The following CNTNAP4 variants were observed in gnomAD, a reference collection of about 807,000 sequenced individuals.
CNTNAP4 encodes the protein contactin-associated protein-like 4.
A neutral mutation model predicts 148.4 loss-of-function variants in CNTNAP4; 98 were observed. The ratio of observed to expected loss-of-function variants is 0.66; its 90% CI spans 0.56 to 0.78. The LOEUF is 0.78. Among genes scored for constraint, CNTNAP4 ranks in the 30% least tolerant of loss-of-function variants. CNTNAP4 has a pLI of 0.00. For missense variants in CNTNAP4, 1,935 were observed against 1,565.6 expected, an observed-to-expected ratio of 1.24 and a Z score of -3.98; for synonymous variants, 730 against 565.1, an observed-to-expected ratio of 1.29 and a Z score of -4.14.
rs2014991766 is a variant in CNTNAP4, at chr16:76,372,813, A to G, written c.390+17302A>G. 2.6e-5 allele frequency among the ~76,000 whole-genome samples: 4 copies of G among 152,220 alleles called. No homozygotes were observed. In the South Asian group the frequency reaches 6.2e-4, roughly 24 times the overall value. ...CCTGGTTTCGAATTATACCTTTGACATAAATAATTACTCAAGTGCTACTGG... is the reference window on the plus strand; with the variant it reads ...CCTGGTTTCGAATTATACCTTTGACGTAAATAATTACTCAAGTGCTACTGG... On this transcript the variant is annotated intron_variant, in intron 3 of 23. Transcript: ENST00000611870.
intron 13 of CNTNAP4, among the ~76,000 whole-genome samples, chr16:76,493,377 G>T (rs7196448): frequency 0.84 from 126,806 of 151,674 alleles, 53,945 homozygotes; most frequent in East Asian, 0.97. Flanking sequence ...ATTTAGGAAA[G>T]TAATTATGGG....
At position 76,277,617 on chromosome 16, in the gene CNTNAP4, C is replaced by A; in HGVS notation, c.-46C>A. 7.2e-7 allele frequency: 1 copy of A among 1,391,606 alleles called. No individual in the cohort carries two copies. Among genetic ancestry groups the A allele is most frequent in the East Asian group, 2.4e-5 (1 of 41,826 alleles). 86.2% of individuals were successfully genotyped at this position (1,391,606 alleles called of 1,614,324 possible). On this transcript the variant is annotated 5_prime_UTR_variant, in exon 1 of 24. It adds an upstream start codon to the 5' untranslated region. Coordinates refer to ENST00000611870, the MANE Select transcript of CNTNAP4 (RefSeq NM_033401.5). ...CTACTGAGAAGAGGACTGGAGCGCT[C>A]TGAGAGCCTCTCAAGATCTTTTGGG...
At chr16:76,340,778 ACT>A (rs1313745278) in intron 2 of CNTNAP4, among the ~76,000 whole-genome samples, 3 of 152,128 alleles carry the variant, frequency 2.0e-5, no homozygotes, top group Non-Finnish European at 2.9e-5. Flanking sequence ...AGAACTCCTA[ACT>A]CTGATTAATA....
At chr16:76,348,097 A>G (rs1965060320) in intron 2 of CNTNAP4, among the ~76,000 whole-genome samples, 1 of 152,116 alleles carries the variant, frequency 6.6e-6, no homozygotes, top group Non-Finnish European at 1.5e-5. Context: ...GCAGAAAAAC[A>G]GCAGGATTCT....
intron 12 of CNTNAP4, among the ~76,000 whole-genome samples, chr16:76,488,959 T>C (rs1427853051): frequency 6.6e-6 from 1 of 152,204 alleles, no homozygotes; most frequent in Non-Finnish European, 1.5e-5. Flanking sequence ...TTTGTGTTAG[T>C]TGAGATGCTG....
intron 12 of CNTNAP4, among the ~76,000 whole-genome samples, chr16:76,489,114 G>T (rs1380690354): frequency 5.3e-5 from 8 of 152,238 alleles, no homozygotes; most frequent in African/African-American, 1.9e-4. Context: ...GAGGTATATA[G>T]AGGGCTACAA....
At chr16:76,331,061 T>C (rs1963463785) in intron 2 of CNTNAP4, among the ~76,000 whole-genome samples, 1 of 152,134 alleles carries the variant, frequency 6.6e-6, no homozygotes, top group South Asian at 2.1e-4. Flanking sequence ...TGGTGGCATT[T>C]CACAATTTTG....
At chr16:76,461,785 G>A (rs1380412901) in intron 8 of CNTNAP4, among the ~76,000 whole-genome samples, 171 bp from the exon 9 acceptor site, 1 of 152,150 alleles carries the variant, frequency 6.6e-6, no homozygotes, top group Non-Finnish European at 1.5e-5. Context: ...TTTCCACATA[G>A]AGGATGCTCA....
chr16:76,498,680 T>A lies in CNTNAP4; in HGVS notation c.2351T>A (p.Leu784His). The change falls in exon 15 of 24, where the codon CTC becomes CAC. Residue 784 changes from leucine to histidine, a missense_variant. Leu to His is a moderately conservative substitution (Grantham distance 99). Transcript: ENST00000611870. ...SEAAYKLGPLLCQGDRSFWNS... is the reference protein window; with the variant it reads ...SEAAYKLGPLHCQGDRSFWNS... ...GCAGCTTATAAACTGGGGCCTCTGC[T>A]CTGCCAGGGAGACAGTAAGTGGTTA... 1 of 1,610,350 alleles carries A rather than the reference T, an allele frequency of 6.2e-7. No homozygotes were observed. Among genetic ancestry groups the A allele is most frequent in the Non-Finnish European group, 8.5e-7 (1 of 1,178,406 alleles).
chr16:76,493,366 C>T (rs927733642), intron 13 of CNTNAP4, among the ~76,000 whole-genome samples: 4 of 152,126 alleles, frequency 2.6e-5, no homozygotes, highest in Admixed American at 2.6e-4. Flanking sequence ...ATGCTCAAGT[C>T]ATTTAGGAAA....
At chr16:76,447,964 G>GCATTATATATT in intron 4 of CNTNAP4, 48 bp from the exon 5 acceptor site, 1 of 1,378,976 alleles carries the variant, frequency 7.3e-7, no homozygotes, top group Non-Finnish European at 1.0e-6. Flanking sequence ...ATGATTTAAT[G>GCATTATATATT]GAAAAGATAT....
At chr16:76,532,332 A>T (rs1028452739) in intron 17 of CNTNAP4, among the ~76,000 whole-genome samples, 3 of 152,234 alleles carry the variant, frequency 2.0e-5, no homozygotes, top group African/African-American at 7.2e-5. Flanking sequence ...AAATGTGTTT[A>T]TTCTAGTATT....
rs573059864 is a variant in CNTNAP4, at chr16:76,535,845, C to A, written c.2995+61C>A. On this transcript the variant is annotated intron_variant, in intron 18 of 23. Transcript: ENST00000611870. ...TATTCAATGTGGATTAAATGTCTGG[C>A]AGTTCTTTTCTATGCAGCTATTTGA... 20 of 1,525,154 alleles carry A rather than the reference C, an allele frequency of 1.3e-5. No homozygotes were observed. In the South Asian group the frequency reaches 2.1e-4, roughly 16 times the overall value. The allele number at this position is 1,525,154 out of a possible 1,614,324, so 94.5% of individuals were successfully genotyped here.
intron 3 of CNTNAP4, among the ~76,000 whole-genome samples, chr16:76,411,858 A>G (rs1251095770): frequency 2.0e-5 from 3 of 151,444 alleles, no homozygotes; most frequent in South Asian, 2.1e-4. Flanking sequence ...GCATAAATGT[A>G]TATACAACTC....
intron 12 of CNTNAP4, among the ~76,000 whole-genome samples, chr16:76,482,993 G>T (rs1326171533): frequency 6.6e-6 from 1 of 152,092 alleles, no homozygotes; most frequent in African/African-American, 2.4e-5. Flanking sequence ...AAAGAGAGAA[G>T]ACTTTACAAG....
intron 11 of CNTNAP4, among the ~76,000 whole-genome samples, chr16:76,476,930 A>G (rs1241868559): frequency 6.6e-6 from 1 of 152,098 alleles, no homozygotes; most frequent in Admixed American, 6.6e-5. Context: ...GGTGGTAGAT[A>G]ATGATTAAAT....
Position 76,309,782 on chromosome 16 carries a change from A to G in CNTNAP4, c.86-6631A>G, listed in dbSNP as rs1310104302. The G allele has an allele frequency of 5.5e-5, 38 of 695,438 alleles. No homozygotes were observed. In the East Asian group the frequency reaches 1.0e-3, roughly 18 times the overall value. The allele number at this position is 695,438 out of a possible 1,614,324, so 43.1% of individuals were successfully genotyped here. ...GGGGTGGTCCGGGCTTTCCCGTGCT[A>G]TTCTCGTGATAGTGAGTAAGTGTCA... On this transcript the variant is annotated intron_variant, in intron 1 of 23. Coordinates refer to ENST00000611870, the MANE Select transcript of CNTNAP4 (RefSeq NM_033401.5).
At chr16:76,523,335 A>G (rs908727180) in intron 17 of CNTNAP4, among the ~76,000 whole-genome samples, 2 of 151,204 alleles carry the variant, frequency 1.3e-5, no homozygotes, top group African/African-American at 4.9e-5. Context: ...TTCATGTTTG[A>G]CAGTTTCACC....
intron 3 of CNTNAP4, among the ~76,000 whole-genome samples, chr16:76,357,058 AACACAC>A (rs58020066): frequency 3.4e-5 from 5 of 147,962 alleles, no homozygotes; most frequent in South Asian, 2.1e-4. Flanking sequence ...AACAAAACAA[AACACAC>A]ACACACACAC....
Sources: gnomAD v4.1 joint callset for allele counts (sites outside exome capture counted in the v4.1 genomes callset) on GRCh38, gnomAD v4.1.1 for gene constraint, MANE v1.5 for transcripts, NCBI Gene and HGNC (gene_info 2026-07-23, HGNC 2026-07-21) for gene names.